The following CUBN variants were observed in gnomAD, a reference collection of about 807,000 sequenced individuals.
CUBN encodes the protein 460 kDa receptor.
In CUBN, 282 loss-of-function variants were observed where a neutral mutation model predicts 405.3. The ratio of observed to expected loss-of-function variants is 0.70; its 90% CI spans 0.63 to 0.77. CUBN has a LOEUF of 0.77. Among genes scored for constraint, CUBN ranks in the 30% least tolerant of loss-of-function variants. The pLI is 0.00. For synonymous variants in CUBN, 1,684 were observed against 1,617.0 expected (o/e 1.04, Z -0.99); for missense variants, 4,514 against 4,475.2 (o/e 1.01, Z -0.25).
At chr10:17,106,878 T>G (rs1836646009) in intron 10 of CUBN, among the ~76,000 whole-genome samples, 1 of 152,184 alleles carries the variant, frequency 6.6e-6, no homozygotes, top group South Asian at 2.1e-4. Flanking sequence ...AGAATGAACT[T>G]AAGTCTCTAA....
intron 39 of CUBN, among the ~76,000 whole-genome samples, chr10:16,935,904 AAAAAGAAAG>A (rs1341192295): frequency 6.6e-6 from 1 of 151,482 alleles, no homozygotes; most frequent in Admixed American, 6.6e-5. Context: ...AAAGAAAAAA[AAAAAGAAAG>A]AAATACTGAT....
At chr10:17,090,145 C>T (rs952615284) in intron 14 of CUBN, among the ~76,000 whole-genome samples, 8 of 151,824 alleles carry the variant, frequency 5.3e-5, no homozygotes, top group African/African-American at 1.9e-4. Flanking sequence ...GCCAAATGTC[C>T]GTCAATAGAG....
intron 22 of CUBN, among the ~76,000 whole-genome samples, chr10:17,049,247 A>G (rs1026077391): frequency 6.6e-6 from 1 of 152,222 alleles, no homozygotes; most frequent in African/African-American, 2.4e-5. Context: ...AGCTAAAAAA[A>G]GGACATCAAA....
rs575302309 is a variant in CUBN, at chr10:16,891,909, C to A, written c.8599-1382G>T. Among the ~76,000 whole-genome samples the A allele has an allele frequency of 2.0e-4, 31 of 152,180 alleles. No homozygotes were observed. The South Asian group carries it at 5.4e-3, about 26-fold the overall frequency. On this transcript the variant is annotated intron_variant, in intron 54 of 66. Transcript: ENST00000377833. Reference sequence around the variant, plus strand: ...CACAATCTGCAATACCCAATATGCCCTTTCTATCAACAGACAACTATCTCA... The same window carrying A: ...CACAATCTGCAATACCCAATATGCCATTTCTATCAACAGACAACTATCTCA...
At chr10:16,917,677 T>C (rs189438296) in intron 45 of CUBN, among the ~76,000 whole-genome samples, 2 of 152,214 alleles carry the variant, frequency 1.3e-5, no homozygotes, top group Admixed American at 6.5e-5. Context: ...TTAGAGAAAA[T>C]ATAAAATATT....
intron 31 of CUBN, among the ~76,000 whole-genome samples, chr10:16,964,938 C>T (rs371002423): frequency 2.0e-5 from 3 of 152,182 alleles, no homozygotes; most frequent in African/African-American, 7.2e-5. Context: ...CCACAAACCC[C>T]GAAAATCAGT....
In CUBN at chr10:17,126,411, G is replaced by A. The variant is rs74919788; in HGVS notation, c.387+350C>T. 2.6e-3 allele frequency among the ~76,000 whole-genome samples: 389 copies of A among 152,186 alleles called. 13 individuals are homozygous for A. The East Asian group carries it at 0.056, about 22-fold the overall frequency. On this transcript the variant is annotated intron_variant, in intron 4 of 66. Transcript: ENST00000377833. Reference sequence around the variant, plus strand: ...GCGTCAGAGAGGATGCTTGCTTTCCGAGCCCCAGTCCCTGATGGGAGAATC... The same window carrying A: ...GCGTCAGAGAGGATGCTTGCTTTCCAAGCCCCAGTCCCTGATGGGAGAATC...
chr10:17,053,156 A>G (rs1272083696), intron 22 of CUBN, among the ~76,000 whole-genome samples: 1 of 152,136 alleles, frequency 6.6e-6, no homozygotes, highest in Admixed American at 6.6e-5. Flanking sequence ...AAATGAAGAC[A>G]GAATAATGGC....
intron 54 of CUBN, among the ~76,000 whole-genome samples, chr10:16,891,782 G>A (rs1841016411): frequency 6.6e-6 from 1 of 152,016 alleles, no homozygotes; most frequent in African/African-American, 2.4e-5. Flanking sequence ...GTCTCAACTA[G>A]GAGCAATTTT....
chr10:16,911,619 C>T (rs1841737580), intron 48 of CUBN, among the ~76,000 whole-genome samples: 1 of 152,152 alleles, frequency 6.6e-6, no homozygotes. Context: ...TATTTGAGAT[C>T]TAAAACTATG....
rs1270067858 is a variant in CUBN at position 17,071,919 on chromosome 10, G to A, written c.2354C>T (p.Ser785Phe). 6 of 1,613,250 alleles carry A rather than the reference G, an allele frequency of 3.7e-6. No homozygotes were observed. The highest frequency in any genetic ancestry group is 5.1e-6 in the Non-Finnish European group (6 of 1,179,666). The change falls in exon 18 of 67, where the codon TCT becomes TTT. Residue 785 changes from serine to phenylalanine, a missense_variant. Physicochemically the swap from Ser to Phe is radical, Grantham distance 155. Transcript: ENST00000377833. ...ACTATTAGTAATGGATTTAATGTGA[G>A]AGATGGTTCCGTTGCCACAGACTTT... is the stretch of plus-strand genomic sequence containing the variant. ...LGKVCGNGTI[S>F]HIKSITNSVW...
intron 56 of CUBN, among the ~76,000 whole-genome samples, chr10:16,883,238 G>A (rs1417067917): frequency 3.3e-5 from 5 of 152,176 alleles, no homozygotes; most frequent in Admixed American, 3.3e-4. Context: ...TGATTCAGAG[G>A]AGGGGGAAGC....
chr10:16,979,616 T>A (rs986275242), intron 31 of CUBN, among the ~76,000 whole-genome samples: 1 of 152,134 alleles, frequency 6.6e-6, no homozygotes, highest in East Asian at 1.9e-4. Flanking sequence ...TAATAAATGG[T>A]GTTGGGAAAA....
intron 14 of CUBN, among the ~76,000 whole-genome samples, chr10:17,093,954 A>G (rs989236522): frequency 6.6e-6 from 1 of 152,158 alleles, no homozygotes; most frequent in African/African-American, 2.4e-5. Context: ...GTGTAATTTG[A>G]GTCTCAGAAG....
At chr10:17,069,578 C>T (rs1835690757) in intron 19 of CUBN, among the ~76,000 whole-genome samples, 1 of 152,214 alleles carries the variant, frequency 6.6e-6, no homozygotes, top group Non-Finnish European at 1.5e-5. Flanking sequence ...GGGTCTCACT[C>T]TGTTACCCAG....
At chr10:16,945,194 GA>G (rs1319949792) in intron 36 of CUBN, among the ~76,000 whole-genome samples, 3 of 148,592 alleles carry the variant, frequency 2.0e-5, no homozygotes, top group African/African-American at 7.3e-5. Flanking sequence ...AGACAAACAG[GA>G]AAAGACCAAA....
At chr10:16,930,740 G>A (rs1842338946) in intron 40 of CUBN, among the ~76,000 whole-genome samples, 1 of 152,140 alleles carries the variant, frequency 6.6e-6, no homozygotes, top group Non-Finnish European at 1.5e-5. Context: ...GTTCTCCCAA[G>A]AATGCTGCAT....
At chr10:16,977,608 AC>A (rs1239816648) in intron 31 of CUBN, among the ~76,000 whole-genome samples, 1 of 152,114 alleles carries the variant, frequency 6.6e-6, no homozygotes, top group African/African-American at 2.4e-5. Flanking sequence ...TCCATGTGTG[AC>A]CTGATTCTTC....
At chr10:16,845,032 TA>T (rs1451442715) in intron 60 of CUBN, among the ~76,000 whole-genome samples, 4 of 152,218 alleles carry the variant, frequency 2.6e-5, no homozygotes, top group East Asian at 1.9e-4. Context: ...TCTCAACTTT[TA>T]GAAATCTGAT....
Sources: gnomAD v4.1 joint callset for allele counts (sites outside exome capture counted in the v4.1 genomes callset) on GRCh38, gnomAD v4.1.1 for gene constraint, MANE v1.5 for transcripts, NCBI Gene and HGNC (gene_info 2026-07-23, HGNC 2026-07-21) for gene names.